Variants in TADA3 observed in about 807,000 individuals in gnomAD.
TADA3 encodes transcriptional adaptor 3.
TADA3 carries 25 observed loss-of-function variants against 43.2 expected under a neutral mutation model. The observed-to-expected ratio is 0.58, with a 90% CI of 0.42 to 0.81. The LOEUF (loss-of-function observed/expected upper bound fraction) is 0.81. Among genes scored for constraint, TADA3 ranks in the 30% least tolerant of loss-of-function variants. TADA3 has a pLI of 0.00. For missense variants in TADA3, 441 were observed against 567.8 expected (o/e 0.78, Z 2.27); for synonymous variants, 235 against 225.5 (o/e 1.04, Z -0.38).
chr3:9,785,408 A>G lies in TADA3; in HGVS notation c.828T>C (p.Pro276=), dbSNP rs2078584011. 1 of 1,613,502 alleles carries G rather than the reference A, an allele frequency of 6.2e-7. No homozygotes were observed. Among genetic ancestry groups the G allele is most frequent in the African/African-American group, 1.3e-5 (1 of 75,026 alleles). ...QALVEENIIS[P]MEDSPIPDMS... The stretch of plus-strand genomic sequence containing the variant: ...TGTCAGGAATAGGAGAATCCTCCAT[A>G]GGGGAAATAATATTTTCCTAGAAGA... The change falls in exon 7 of 9, where the codon CCT becomes CCC. Residue 276 remains proline, a synonymous_variant. Transcript: ENST00000301964.
Position 9,780,228 on chromosome 3 carries a change from C to T in TADA3, c.*129G>A. The T allele has an allele frequency of 1.0e-6, 1 of 992,342 alleles. No individual in the cohort carries two copies. Among genetic ancestry groups the T allele is most frequent in the Non-Finnish European group, 1.5e-6 (1 of 684,236 alleles). The allele number at this position is 992,342 out of a possible 1,614,324, so 61.5% of individuals were successfully genotyped here. A position where few individuals can be genotyped will look rare whatever the true frequency, so the allele number is the denominator to read the frequency against. On this transcript the variant is annotated 3_prime_UTR_variant, in exon 9 of 9. Coordinates refer to ENST00000301964, the MANE Select transcript of TADA3 (RefSeq NM_006354.5). ...GGCCAAAAGACCTCAGGGGAAGGGC[C>T]ACGGCCCTCTAGAGACTGCCGCCAT...
chr3:9,789,585 G>C lies in TADA3; in HGVS notation c.488C>G (p.Ala163Gly), dbSNP rs1204177757. The C allele has an allele frequency of 6.2e-7, 1 of 1,614,162 alleles. No individual in the cohort carries two copies. The highest frequency in any genetic ancestry group is 1.7e-5 in the Admixed American group (1 of 60,018). ...GCGGACCTCCTCGCTGGTGATGTCA[G>C]CACAGTAGGGCTCCACTGAAGCCCA... ...RFWASVEPYC[A>G]DITSEEVRTL... Residue 163 changes from alanine (A) to glycine (G), a missense_variant, in exon 4 of 9, where the codon GCT (alanine) becomes GGT (glycine). By Grantham distance (60) the Ala-to-Gly change is moderately conservative. Transcript: ENST00000301964.
intron 8 of TADA3, among the ~76,000 whole-genome samples, chr3:9,781,874 C>G (rs377445874): frequency 3.9e-5 from 5 of 127,416 alleles, no homozygotes; most frequent in African/African-American, 1.2e-4. Flanking sequence ...AGGTCTCACT[C>G]TGTCACCCAG....
At position 9,791,497 on chromosome 3, in the gene TADA3, G is replaced by C; in HGVS notation, c.-27-4C>G. 1.3e-6 allele frequency: 2 copies of C among 1,553,936 alleles called. No homozygotes were observed. Among genetic ancestry groups the C allele is most frequent in the Non-Finnish European group, 1.8e-6 (2 of 1,135,970 alleles). ...AGGATATGGGGATCCTGTGGAGCTG[G>C]AGAGGACAGGGCCATTGATGGGAGA... is the stretch of plus-strand genomic sequence containing the variant. On this transcript the variant is annotated splice_polypyrimidine_tract_variant and splice_region_variant and intron_variant, in intron 1 of 8. Transcript: ENST00000301964.
At position 9,788,039 on chromosome 3, in the gene TADA3, G is replaced by A. The variant is rs2078656330; in HGVS notation, c.565-699C>T. On this transcript the variant is annotated intron_variant, in intron 4 of 8. Transcript: ENST00000301964. Reference sequence around the variant, plus strand: ...CCGAGGAAAATGGAGAGGGGCACTGGAGCTGTGCCAGCAAGGACTGGGATG... The same window carrying A: ...CCGAGGAAAATGGAGAGGGGCACTGAAGCTGTGCCAGCAAGGACTGGGATG... 38 of 284,282 alleles carry A rather than the reference G, an allele frequency of 1.3e-4. 1 individual carries two copies. The highest frequency in any genetic ancestry group is 1.2e-3 in the South Asian group (37 of 29,770). The allele number at this position is 284,282 out of a possible 1,614,324, so 17.6% of individuals were successfully genotyped here. A position where few individuals can be genotyped will look rare whatever the true frequency, so the allele number is the denominator to read the frequency against.
Position 9,787,108 on chromosome 3 carries a change from A to G in TADA3, c.708T>C (p.Asp236=). ...MGPLTELDTK[D]VDALLKKSEA... is the part of the protein sequence containing the mutation. ...CAGACTTCTTCAGCAGGGCATCCAC[A>G]TCTAAGCGGGCACAGGAAAGGAGGG... The change falls in exon 6 of 9, where the codon GAT becomes GAC. Residue 236 remains aspartate (D), a splice_region_variant and synonymous_variant. Coordinates refer to ENST00000301964, the MANE Select transcript of TADA3 (RefSeq NM_006354.5). 6.2e-7 allele frequency: 1 copy of G among 1,614,226 alleles called. No individual in the cohort carries two copies.
rs780449985 is a variant in TADA3, at chr3:9,787,249, G to T, written c.656C>A (p.Ala219Asp). Residue 219 changes from alanine to aspartate, a missense_variant, in exon 5 of 9, where the codon GCT (alanine) becomes GAT (aspartate). By Grantham distance (126) the Ala-to-Asp change is moderately radical. Transcript: ENST00000301964. The stretch of plus-strand genomic sequence containing the variant: ...CCCCATGAGGCCTTTCTTCTTGTCA[G>T]CCACAGCCGCTGCCCGGGCCCCATC... ...QKDGARAAAV[A>D]DKKKGLMGPL... The T allele has an allele frequency of 1.3e-5, 21 of 1,614,098 alleles. No homozygotes were observed. Among genetic ancestry groups the T allele is most frequent in the Non-Finnish European group, 1.6e-5 (19 of 1,180,030 alleles).
rs956751577 is a variant in TADA3, at chr3:9,787,100, G to A, written c.716C>T (p.Ala239Val). 6.2e-7 allele frequency: 1 copy of A among 1,614,202 alleles called. No homozygotes were observed. The highest frequency in any genetic ancestry group is 8.5e-7 in the Non-Finnish European group (1 of 1,180,038). The change falls in exon 6 of 9, where the codon GCC (alanine) becomes GTC (valine). Residue 239 changes from alanine to valine, a missense_variant. Ala to Val is a moderately conservative substitution (Grantham distance 64). Transcript: ENST00000301964. ...LTELDTKDVD[A>V]LLKKSEAQHE... is the part of the protein sequence containing the mutation. ...CTGGGCCTCAGACTTCTTCAGCAGGGCATCCACATCTAAGCGGGCACAGGA... is the reference window on the plus strand; with the variant it reads ...CTGGGCCTCAGACTTCTTCAGCAGGACATCCACATCTAAGCGGGCACAGGA...
At chr3:9,786,850 C>T (rs1297409894) in intron 6 of TADA3, among the ~76,000 whole-genome samples, 156 bp downstream of exon 6, 1 of 152,132 alleles carries the variant, frequency 6.6e-6, no homozygotes, top group Non-Finnish European at 1.5e-5. Flanking sequence ...TATATTATTC[C>T]CAATCTTTTG....
At chr3:9,784,281 C>A in intron 7 of TADA3, 68 bp from the exon 8 acceptor site, 1 of 1,534,500 alleles carries the variant, frequency 6.5e-7, no homozygotes, top group South Asian at 1.2e-5. Flanking sequence ...TGGAGGTTCC[C>A]AGGGCTTCCC....
rs140153678 is a variant in TADA3 at position 9,787,745 on chromosome 3, C to T, written c.565-405G>A. On this transcript the variant is annotated intron_variant, in intron 4 of 8. Coordinates refer to ENST00000301964, the MANE Select transcript of TADA3 (RefSeq NM_006354.5). ...TTTTTCAGATAAATTTTTAAGAAATCAGATAAGTGAAGTGAAAGAGAGAGA... is the reference window on the plus strand; with the variant it reads ...TTTTTCAGATAAATTTTTAAGAAATTAGATAAGTGAAGTGAAAGAGAGAGA... 646 of 1,278,858 alleles carry T rather than the reference C, an allele frequency of 5.1e-4. 1 individual carries two copies. The African/African-American group carries it at 8.9e-3, about 18-fold the overall frequency. The allele number at this position is 1,278,858 out of a possible 1,614,324, so 79.2% of individuals were successfully genotyped here. A position where few individuals can be genotyped will look rare whatever the true frequency, so the allele number is the denominator to read the frequency against.
chr3:9,789,399 TG>T, intron 4 of TADA3, 109 bp downstream of exon 4: 1 of 974,784 alleles, frequency 1.0e-6, no homozygotes, highest in Non-Finnish European at 1.5e-6. Flanking sequence ...GACAGCAGAC[TG>T]GGCAGGGTTG....
Position 9,790,073 on chromosome 3 carries a change from C to T in TADA3, c.208-110G>A, listed in dbSNP as rs1196025183. ...AATCTACAGAGGCTCCTGGGTCTTTCCCCATCCTCTTTTTACCTAGTAAAC... is the reference window on the plus strand; with the variant it reads ...AATCTACAGAGGCTCCTGGGTCTTTTCCCATCCTCTTTTTACCTAGTAAAC... On this transcript the variant is annotated intron_variant, in intron 2 of 8. Transcript: ENST00000301964. 5.2e-6 allele frequency: 7 copies of T among 1,348,468 alleles called. No individual in the cohort carries two copies. The African/African-American group carries it at 7.4e-5, about 14-fold the overall frequency. The allele number at this position is 1,348,468 out of a possible 1,614,324, so 83.5% of individuals were successfully genotyped here.
At chr3:9,788,085 T>C (rs1454187829) in intron 4 of TADA3, 2 of 227,742 alleles carry the variant, frequency 8.8e-6, no homozygotes, top group Non-Finnish European at 1.8e-5. Context: ...ATCCTGTAGA[T>C]AACGGGAGGA....
rs778855642 is a variant in TADA3, at chr3:9,789,602, T to G, written c.471A>C (p.Ser157=). ...KNDAPNRFWA[S]VEPYCADITS... The stretch of plus-strand genomic sequence containing the variant: ...TGATGTCAGCACAGTAGGGCTCCAC[T>G]GAAGCCCAGAACCTGCAGGGAGAAG... The change falls in exon 4 of 9, where the codon TCA becomes TCC. Residue 157 remains serine, a synonymous_variant. Transcript: ENST00000301964. 6 of 1,613,940 alleles carry G rather than the reference T, an allele frequency of 3.7e-6. No individual in the cohort carries two copies. The highest frequency in any genetic ancestry group is 1.3e-5 in the African/African-American group (1 of 74,906).
In TADA3 at chr3:9,789,820, G is replaced by A. The variant is rs1250336177; in HGVS notation, c.351C>T (p.Gly117=). 5 of 1,614,224 alleles carry A rather than the reference G, an allele frequency of 3.1e-6. No individual in the cohort carries two copies. The highest frequency in any genetic ancestry group is 1.7e-5 in the Admixed American group (1 of 60,018). ...GGTTTTTGGATTTGGGCCGTCCTGGGCCAGGGCCCGGCCCATGTCCTGCCT... is the reference window on the plus strand; with the variant it reads ...GGTTTTTGGATTTGGGCCGTCCTGGACCAGGGCCCGGCCCATGTCCTGCCT... ...EGKAGHGPGP[G]PGRPKSKNLQ... The change falls in exon 3 of 9, where the codon GGC becomes GGT. Residue 117 remains glycine, a synonymous_variant. Transcript: ENST00000301964.
chr3:9,786,884 CTTTTGCACCAACCTAT>C lies in TADA3; in HGVS notation c.810+106_810+121del, dbSNP rs544709124. 2.6e-4 allele frequency: 230 copies of C among 881,382 alleles called. 2 individuals carry two copies. The Middle Eastern group carries it at 3.2e-3, about 12-fold the overall frequency. The allele number at this position is 881,382 out of a possible 1,614,324, so 54.6% of individuals were successfully genotyped here. A position where few individuals can be genotyped will look rare whatever the true frequency, so the allele number is the denominator to read the frequency against. ...TGCTATATATTAGTCCAGGTTTTTA[CTTTTGCACCAACCTAT>C]TTTTGCACCAACCTAATAAATGTAT... On this transcript the variant is annotated intron_variant, in intron 6 of 8. Transcript: ENST00000301964.
chr3:9,784,434 A>T (rs540621889), intron 7 of TADA3, among the ~76,000 whole-genome samples: 1 of 152,334 alleles, frequency 6.6e-6, no homozygotes, highest in African/African-American at 2.4e-5. Flanking sequence ...AAAAACCCAT[A>T]ATGCCAACAA....
intron 4 of TADA3, 122 bp from the exon 5 acceptor site, chr3:9,787,462 T>A: frequency 7.3e-7 from 1 of 1,374,896 alleles, no homozygotes; most frequent in South Asian, 1.5e-5. Flanking sequence ...AAGCCCAGTG[T>A]CAGGTGTAGG....
Sources: allele counts gnomAD v4.1 joint callset (sites outside exome capture counted in the v4.1 genomes callset), GRCh38; gene constraint gnomAD v4.1.1; transcripts MANE v1.5; gene names NCBI Gene and HGNC (gene_info 2026-07-23, HGNC 2026-07-21).